The following FER variants were observed in gnomAD, a reference collection of about 807,000 sequenced individuals.
The protein encoded by FER is tyrosine-protein kinase Fer.
FER carries 63 observed loss-of-function variants against 111.0 expected under a neutral mutation model. That is an observed-to-expected ratio of 0.57 (90% CI 0.46 to 0.70). FER has a LOEUF of 0.70. Ranked by LOEUF, FER falls within the 30% of genes least tolerant of loss-of-function variation. The pLI is 0.00. For missense variants in FER, 914 were observed against 954.0 expected (o/e 0.96, Z 0.55); for synonymous variants, 327 against 313.9 (o/e 1.04, Z -0.44).
At chr5:108,809,703 C>T (rs545076635) in intron 3 of FER, among the ~76,000 whole-genome samples, 5 of 152,246 alleles carry the variant, frequency 3.3e-5, no homozygotes, top group Admixed American at 6.5e-5. Context: ...GCTGGGACTA[C>T]AAGTGTGGAC....
chr5:109,054,305 T>G (rs1410567408), intron 16 of FER, among the ~76,000 whole-genome samples: 7 of 152,236 alleles, frequency 4.6e-5, no homozygotes, highest in Admixed American at 3.3e-4. Context: ...TTACTTGGCC[T>G]GGTTAGTTGT....
intron 13 of FER, among the ~76,000 whole-genome samples, chr5:109,031,783 T>A (rs566421068): frequency 6.8e-4 from 103 of 152,316 alleles, no homozygotes; most frequent in Non-Finnish European, 1.1e-3. Context: ...ACTACCTGTT[T>A]TTTGAGACTT....
chr5:108,816,444 A>G (rs1215601948), intron 3 of FER, among the ~76,000 whole-genome samples: 1 of 152,222 alleles, frequency 6.6e-6, no homozygotes, highest in African/African-American at 2.4e-5. Context: ...TTTGACAAGC[A>G]AGCTTCAGGT....
At chr5:109,161,204 G>T (rs1755955902) in intron 17 of FER, among the ~76,000 whole-genome samples, 1 of 152,138 alleles carries the variant, frequency 6.6e-6, no homozygotes, top group Non-Finnish European at 1.5e-5. Context: ...AATAGTGTCT[G>T]TAGGATGCTT....
intron 2 of FER, among the ~76,000 whole-genome samples, chr5:108,788,978 T>C (rs551026893): frequency 3.2e-4 from 49 of 152,348 alleles, no homozygotes; most frequent in African/African-American, 1.1e-3. Flanking sequence ...ATTCTAGATC[T>C]TCATTTCTCA....
At chr5:109,070,324 A>G (rs1053453669) in intron 16 of FER, among the ~76,000 whole-genome samples, 2 of 152,032 alleles carry the variant, frequency 1.3e-5, no homozygotes, top group African/African-American at 4.8e-5. Flanking sequence ...GTTCAGTATA[A>G]TATGTTGGGG....
chr5:108,870,372 C>T (rs1764487242), intron 6 of FER, among the ~76,000 whole-genome samples: 1 of 152,042 alleles, frequency 6.6e-6, no homozygotes, highest in Non-Finnish European at 1.5e-5. Context: ...TAGATAGGCT[C>T]ATTTACATTA....
intron 18 of FER, among the ~76,000 whole-genome samples, chr5:109,183,582 CTCTT>C (rs1390137923): frequency 6.6e-6 from 1 of 152,144 alleles, no homozygotes; most frequent in East Asian, 1.9e-4. Flanking sequence ...GCAGTATATA[CTCTT>C]TCTTCACTCT....
At chr5:108,981,105 A>G (rs563859511) in intron 13 of FER, among the ~76,000 whole-genome samples, 12 of 152,228 alleles carry the variant, frequency 7.9e-5, no homozygotes, top group Non-Finnish European at 1.8e-4. Context: ...GTATGCTTGT[A>G]TTATAGCTCA....
At chr5:108,754,149 G>A (rs753045281) in intron 1 of FER, among the ~76,000 whole-genome samples, 2 of 152,068 alleles carry the variant, frequency 1.3e-5, no homozygotes, top group Non-Finnish European at 2.9e-5. Context: ...AGTGGCTCAT[G>A]CCTGTAATCA....
chr5:108,754,083 G>T (rs1750799573), intron 1 of FER, among the ~76,000 whole-genome samples: 1 of 152,054 alleles, frequency 6.6e-6, no homozygotes, highest in Non-Finnish European at 1.5e-5. Flanking sequence ...GTATAAACTT[G>T]AATCTACTCT....
chr5:108,862,389 A>G (rs1229931254), intron 5 of FER, among the ~76,000 whole-genome samples: 1 of 152,180 alleles, frequency 6.6e-6, no homozygotes, highest in African/African-American at 2.4e-5. Context: ...ACCAGCTAGA[A>G]AGACAGATGG....
intron 17 of FER, among the ~76,000 whole-genome samples, chr5:109,152,259 A>G (rs1754931893): frequency 1.3e-5 from 2 of 152,002 alleles, no homozygotes; most frequent in African/African-American, 4.8e-5. Context: ...TCTTAGTTTA[A>G]GATGGTCTAG....
intron 17 of FER, among the ~76,000 whole-genome samples, chr5:109,118,435 A>G (rs1032721698): frequency 6.6e-6 from 1 of 152,062 alleles, no homozygotes; most frequent in Non-Finnish European, 1.5e-5. Context: ...TTTTTGCATC[A>G]ATGTTCATCA....
chr5:108,843,639 C>T (rs1022800490), intron 5 of FER, among the ~76,000 whole-genome samples: 1 of 151,228 alleles, frequency 6.6e-6, no homozygotes, highest in Non-Finnish European at 1.5e-5. Context: ...AAGTAATTCT[C>T]CTCCTCAGCC....
At chr5:108,964,328 T>C (rs182092101) in intron 13 of FER, among the ~76,000 whole-genome samples, 1 of 152,118 alleles carries the variant, frequency 6.6e-6, no homozygotes, top group Non-Finnish European at 1.5e-5. Flanking sequence ...CCTAATGAAT[T>C]TTGGACAGAG....
At chr5:109,181,723 A>C (rs951355242) in intron 18 of FER, among the ~76,000 whole-genome samples, 8 of 152,202 alleles carry the variant, frequency 5.3e-5, no homozygotes, top group Non-Finnish European at 1.0e-4. Context: ...TAATTCCCAA[A>C]TTAGAGAAAG....
chr5:108,867,575 T>G (rs534665191), intron 5 of FER, among the ~76,000 whole-genome samples, 192 bp from the exon 6 acceptor site: 1 of 152,224 alleles, frequency 6.6e-6, no homozygotes, highest in Admixed American at 6.6e-5. Context: ...TTGGCAACCT[T>G]TGTGTTAAGG....
intron 17 of FER, among the ~76,000 whole-genome samples, chr5:109,122,161 A>T (rs1319863191): frequency 6.6e-6 from 1 of 151,542 alleles, no homozygotes; most frequent in Admixed American, 6.6e-5. Flanking sequence ...TACATCATTA[A>T]GTTGTTTATT....
Sources: gnomAD v4.1 joint callset for allele counts (sites outside exome capture counted in the v4.1 genomes callset) on GRCh38, gnomAD v4.1.1 for gene constraint, MANE v1.5 for transcripts, NCBI Gene and HGNC (gene_info 2026-07-23, HGNC 2026-07-21) for gene names.